HIPK2: variants seen among roughly 807,000 people sequenced by gnomAD.
HIPK2 encodes homeodomain-interacting protein kinase 2.
Under a neutral mutation model 113.7 loss-of-function variants are expected in HIPK2, and 27 were observed. That is an observed-to-expected ratio of 0.24 (90% CI 0.17 to 0.33). HIPK2 has a LOEUF of 0.33. Among genes scored for constraint, HIPK2 ranks in the 10% least tolerant of loss-of-function variants. HIPK2 has a pLI of 1.00. For synonymous variants in HIPK2, 631 were observed against 642.2 expected (o/e 0.98, Z 0.26); for missense variants, 1,257 against 1,588.0 (o/e 0.79, Z 3.54).
intron 2 of HIPK2, among the ~76,000 whole-genome samples, chr7:139,633,690 A>G (rs1800701574): frequency 6.6e-6 from 1 of 151,752 alleles, no homozygotes; most frequent in Non-Finnish European, 1.5e-5. Flanking sequence ...CAGGCCTGTA[A>G]TCCCAGCACT....
intron 1 of HIPK2, among the ~76,000 whole-genome samples, 193 bp downstream of exon 1, chr7:139,777,412 T>C (rs1008313149): frequency 6.6e-6 from 1 of 151,496 alleles, no homozygotes; most frequent in South Asian, 2.1e-4. Context: ...CTCCCCGCCC[T>C]GGAAGCAAGA....
chr7:139,575,143 T>TGGC lies in HIPK2; in HGVS notation c.3108_3110dup (p.Pro1037dup). On this transcript the variant is annotated inframe_insertion, in exon 14 of 15. Coordinates refer to ENST00000406875, the MANE Select transcript of HIPK2 (RefSeq NM_022740.5). ...TGGGGCTTACCTGGCTGAGATTGAG[T>TGGC]GGCTGCTGCTGCTGGAAGTGGGGGC... is the stretch of plus-strand genomic sequence containing the variant. 2 of 1,593,786 alleles carry TGGC rather than the reference T, an allele frequency of 1.3e-6. No individual in the cohort carries two copies. Among genetic ancestry groups the TGGC allele is most frequent in the Non-Finnish European group, 1.7e-6 (2 of 1,170,874 alleles).
At chr7:139,641,745 A>C (rs1801032208) in intron 2 of HIPK2, among the ~76,000 whole-genome samples, 2 of 152,194 alleles carry the variant, frequency 1.3e-5, no homozygotes, top group African/African-American at 4.8e-5. Flanking sequence ...TGCTCACCCC[A>C]AACACTTTGG....
At chr7:139,689,757 GC>G (rs1385624980) in intron 2 of HIPK2, among the ~76,000 whole-genome samples, 9 of 152,156 alleles carry the variant, frequency 5.9e-5, no homozygotes. Flanking sequence ...TATGGCTTGC[GC>G]TTTGCTTGAA....
chr7:139,611,874 GTTCA>G (rs1447006444), intron 9 of HIPK2, among the ~76,000 whole-genome samples: 2 of 152,156 alleles, frequency 1.3e-5, no homozygotes, highest in African/African-American at 4.8e-5. Flanking sequence ...GTTATACCAT[GTTCA>G]TGGATAAAAA....
At chr7:139,638,675 T>TTTTTTTTTTTTTTTTTTTTTA in intron 2 of HIPK2, among the ~76,000 whole-genome samples, 1 of 145,554 alleles carries the variant, frequency 6.9e-6, no homozygotes, top group African/African-American at 2.6e-5. Context: ...TTTTTTTTTT[T>TTTTTTTTTTTTTTTTTTTTTA]GAGACAGAGT....
At position 139,561,920 on chromosome 7, in the gene HIPK2, T is replaced by C. The variant is rs758984059; in HGVS notation, c.*11007A>G. On this transcript the variant is annotated 3_prime_UTR_variant, in exon 15 of 15. Coordinates refer to ENST00000406875, the MANE Select transcript of HIPK2 (RefSeq NM_022740.5). The stretch of plus-strand genomic sequence containing the variant: ...TTTTCTACAACGAAAATGATTAATT[T>C]AGAAGCACACGACGTCATGATGAAA... 5.3e-5 allele frequency: 8 copies of C among 152,240 alleles called. No homozygotes were observed. The highest frequency in any genetic ancestry group is 8.8e-5 in the Non-Finnish European group (6 of 68,044). 9.4% of individuals were successfully genotyped at this position (152,240 alleles called of 1,614,324 possible).
At chr7:139,583,510 C>T (rs1200034605) in intron 13 of HIPK2, 1 of 305,968 alleles carries the variant, frequency 3.3e-6, no homozygotes, top group Non-Finnish European at 6.1e-6. Flanking sequence ...AGGTATTCTT[C>T]CAGGCTCAGG....
Position 139,570,162 on chromosome 7 carries a change from CT to C in HIPK2, c.*2764del, listed in dbSNP as rs1003977436. The C allele has an allele frequency of 2.0e-5, 3 of 152,074 alleles. No individual in the cohort carries two copies. Among genetic ancestry groups the C allele is most frequent in the Non-Finnish European group, 4.4e-5 (3 of 68,038 alleles). 9.4% of individuals were successfully genotyped at this position (152,074 alleles called of 1,614,324 possible). A position where few individuals can be genotyped will look rare whatever the true frequency, so the allele number is the denominator to read the frequency against. ...TGGGGGTGCTCTCCAGTAAGGCGAA[CT>C]GAGGCTCATTTGCAGCCAAGACTTG... On this transcript the variant is annotated 3_prime_UTR_variant, in exon 15 of 15. Coordinates refer to ENST00000406875, the MANE Select transcript of HIPK2 (RefSeq NM_022740.5).
chr7:139,704,206 CA>C (rs1794816318), intron 2 of HIPK2, among the ~76,000 whole-genome samples: 1 of 137,250 alleles, frequency 7.3e-6, no homozygotes, highest in Non-Finnish European at 1.6e-5. Flanking sequence ...ACCCAACACA[CA>C]CACCACACCC....
chr7:139,655,642 G>T (rs1048703494), intron 2 of HIPK2, among the ~76,000 whole-genome samples: 1 of 152,136 alleles, frequency 6.6e-6, no homozygotes, highest in Non-Finnish European at 1.5e-5. Context: ...CTGCACTGAT[G>T]GACGCACAAG....
intron 7 of HIPK2, among the ~76,000 whole-genome samples, chr7:139,615,236 T>G (rs963179554): frequency 2.6e-5 from 4 of 152,302 alleles, no homozygotes; most frequent in African/African-American, 9.6e-5. Flanking sequence ...TTTACAGATG[T>G]CCTTAGATGG....
At chr7:139,685,588 T>C (rs1240452240) in intron 2 of HIPK2, among the ~76,000 whole-genome samples, 1 of 152,228 alleles carries the variant, frequency 6.6e-6, no homozygotes, top group African/African-American at 2.4e-5. Context: ...TGCTCTCTTG[T>C]TAAGGGCTGA....
chr7:139,730,019 G>A (rs1177000794), intron 1 of HIPK2, among the ~76,000 whole-genome samples: 1 of 152,210 alleles, frequency 6.6e-6, no homozygotes, highest in Non-Finnish European at 1.5e-5. Flanking sequence ...AGGAGGCCAG[G>A]TGTGTGCCTG....
chr7:139,757,651 C>T (rs962998326), intron 1 of HIPK2, among the ~76,000 whole-genome samples: 10 of 151,898 alleles, frequency 6.6e-5, no homozygotes, highest in Non-Finnish European at 1.3e-4. Flanking sequence ...TTATAGAAAA[C>T]GTCTTGAATA....
intron 6 of HIPK2, among the ~76,000 whole-genome samples, chr7:139,621,906 G>C (rs1191940749): frequency 6.9e-6 from 1 of 145,394 alleles, no homozygotes; most frequent in Admixed American, 6.8e-5. Flanking sequence ...CTGGGTGACA[G>C]GGTGAGACCC....
At chr7:139,583,764 A>C in intron 13 of HIPK2, 53 bp downstream of exon 13, 1 of 1,577,650 alleles carries the variant, frequency 6.3e-7, no homozygotes, top group African/African-American at 1.3e-5. Context: ...GCAGAAAAGC[A>C]GGAAAACCAC....
intron 1 of HIPK2, among the ~76,000 whole-genome samples, chr7:139,724,083 T>C (rs112892254): frequency 6.6e-6 from 1 of 151,642 alleles, no homozygotes; most frequent in African/African-American, 2.4e-5. Context: ...ATCTGTCTAA[T>C]ATAGATTATG....
intron 14 of HIPK2, 30 bp downstream of exon 14, chr7:139,575,098 C>T (rs749326322): frequency 1.9e-6 from 3 of 1,566,170 alleles, no homozygotes; most frequent in Non-Finnish European, 2.6e-6. Context: ...GGGGCCCTGC[C>T]TGGCCTGGGG....
Sources: gnomAD v4.1 joint callset for allele counts (sites outside exome capture counted in the v4.1 genomes callset) on GRCh38, gnomAD v4.1.1 for gene constraint, MANE v1.5 for transcripts, NCBI Gene and HGNC (gene_info 2026-07-23, HGNC 2026-07-21) for gene names.